NACC2: variants seen among roughly 807,000 people sequenced by gnomAD.
The protein encoded by NACC2 is NACC family member 2, also known as nucleus accumbens-associated protein 2.
NACC2 carries 8 observed loss-of-function variants against 25.1 expected under a neutral mutation model. That is an observed-to-expected ratio of 0.32 (90% confidence interval 0.19 to 0.57). NACC2 has a LOEUF of 0.57. NACC2 is among the 20% of genes least tolerant of loss of function. The probability of loss-of-function intolerance (pLI) is 0.89; values close to 1 mark genes in which losing one functional copy is unlikely to be tolerated. For missense variants in NACC2, 644 were observed against 650.2 expected, an observed-to-expected ratio of 0.99 and a Z score of 0.10; for synonymous variants, 435 against 294.7, an observed-to-expected ratio of 1.48 and a Z score of -4.88.
At chr9:136,025,830 G>A (rs541029694) in intron 2 of NACC2, among the ~76,000 whole-genome samples, 3 of 152,014 alleles carry the variant, frequency 2.0e-5, no homozygotes, top group Non-Finnish European at 2.9e-5. Flanking sequence ...CAGGAGAATC[G>A]CTTGAACCCA....
chr9:136,028,244 G>A (rs1320173704), intron 2 of NACC2, among the ~76,000 whole-genome samples: 2 of 151,664 alleles, frequency 1.3e-5, no homozygotes, highest in Non-Finnish European at 2.9e-5. Context: ...CACCATTAAG[G>A]AACACTCCAT....
Position 136,091,182 on chromosome 9 carries a change from G to A in NACC2, c.-60+4007C>T, listed in dbSNP as rs139665301. Among the ~76,000 whole-genome samples the A allele has an allele frequency of 2.9e-3, 445 of 152,314 alleles. 3 individuals are homozygous for A. The highest frequency in any genetic ancestry group is 0.01 in the African/African-American group (420 of 41,576). On this transcript the variant is annotated intron_variant, in intron 1 of 5. Coordinates refer to ENST00000277554, the MANE Select transcript of NACC2 (RefSeq NM_144653.5). Reference sequence around the variant, plus strand: ...TTAAAGGGTAGTGAGCCTTACATGGGATTCAGTGGCTTCACTGGCCCAACA... The same window carrying A: ...TTAAAGGGTAGTGAGCCTTACATGGAATTCAGTGGCTTCACTGGCCCAACA...
chr9:136,034,780 G>A (rs892557401), intron 2 of NACC2, among the ~76,000 whole-genome samples: 1 of 152,204 alleles, frequency 6.6e-6, no homozygotes, highest in African/African-American at 2.4e-5. Context: ...GTAAATATGG[G>A]AGTTGTGGAG....
At chr9:136,065,093 T>C (rs993355000) in intron 1 of NACC2, among the ~76,000 whole-genome samples, 28 of 152,192 alleles carry the variant, frequency 1.8e-4, no homozygotes, top group Non-Finnish European at 5.9e-5. Context: ...GAGCTAAAAC[T>C]ATAAAACTCT....
At chr9:136,051,852 G>GT (rs1840845516) in intron 1 of NACC2, among the ~76,000 whole-genome samples, 1 of 151,928 alleles carries the variant, frequency 6.6e-6, no homozygotes, top group Non-Finnish European at 1.5e-5. Flanking sequence ...GAGCCCTGGG[G>GT]CGGGGAGGGC....
At chr9:136,031,324 C>CTCAT (rs140651085) in intron 2 of NACC2, among the ~76,000 whole-genome samples, 23,206 of 150,636 alleles carry the variant, frequency 0.15, 2,007 homozygotes, top group African/African-American at 0.24. Flanking sequence ...ACTCCACAGC[C>CTCAT]TCATTCATTC....
Position 136,086,812 on chromosome 9 carries a change from GGCT to G in NACC2, c.-60+8374_-60+8376del, listed in dbSNP as rs1830383120. Among the ~76,000 whole-genome samples, 1 of 151,956 alleles carries G rather than the reference GGCT, an allele frequency of 6.6e-6. No homozygotes were observed. The highest frequency in any genetic ancestry group is 1.5e-5 in the Non-Finnish European group (1 of 68,028). ...CCCATCCAGGTGCCATCCCAGCAGC[GGCT>G]GCTGTCTGTGCCTGGCTCCTCCCAC... On this transcript the variant is annotated intron_variant, in intron 1 of 5. Coordinates refer to ENST00000277554, the MANE Select transcript of NACC2 (RefSeq NM_144653.5). This position sits in a 1 kb window ranked among gnomAD's most constrained non-coding sequence, Gnocchi z 5.6.
At chr9:136,046,815 C>T (rs924777791) in intron 2 of NACC2, among the ~76,000 whole-genome samples, 1 of 152,196 alleles carries the variant, frequency 6.6e-6, no homozygotes. Context: ...GAGACCCTTG[C>T]CGTGAGGCCA....
Position 136,018,651 on chromosome 9 carries a change from C to G in NACC2, c.887-2222G>C, listed in dbSNP as rs1351450765. Among the ~76,000 whole-genome samples the G allele has an allele frequency of 6.6e-6, 1 of 152,032 alleles. No homozygotes were observed. Among genetic ancestry groups the G allele is most frequent in the Non-Finnish European group, 1.5e-5 (1 of 67,996 alleles). On this transcript the variant is annotated intron_variant, in intron 2 of 5. Coordinates refer to ENST00000277554, the MANE Select transcript of NACC2 (RefSeq NM_144653.5). The surrounding 1 kb of genome is among the most constrained non-coding windows in gnomAD (Gnocchi z 4.4). ...ACAGAACAGAGGCCAGAAAGGGGGC[C>G]TCAAAGGTGGGTGCACAGCCCCTGC...
intron 2 of NACC2, among the ~76,000 whole-genome samples, chr9:136,024,350 T>TGTGTGTGTGTGAGGACAGAAG (rs1367472647): frequency 1.8e-5 from 2 of 111,186 alleles, no homozygotes; most frequent in African/African-American, 3.7e-5. Flanking sequence ...GAGGACAGAG[T>TGTGTGTGTGTGAGGACAGAAG]GTGTGTGTGT....
intron 1 of NACC2, among the ~76,000 whole-genome samples, chr9:136,065,017 A>G (rs7029290): frequency 0.4 from 60,977 of 152,134 alleles, 13,069 homozygotes; most frequent in Non-Finnish European, 0.48. Context: ...AAAAGAATGA[A>G]GCAGGACCCT....
At chr9:136,037,746 T>G (rs1840575012) in intron 2 of NACC2, among the ~76,000 whole-genome samples, 1 of 152,094 alleles carries the variant, frequency 6.6e-6, no homozygotes, top group Admixed American at 6.6e-5. Flanking sequence ...TGACCTCAGG[T>G]GATCCTCCCA....
intron 1 of NACC2, among the ~76,000 whole-genome samples, chr9:136,061,089 G>C (rs539683636): frequency 7.9e-5 from 12 of 152,276 alleles, no homozygotes; most frequent in Admixed American, 5.9e-4. Context: ...TAGGGGAGGA[G>C]GAACAATGCC....
chr9:136,081,443 G>A (rs1021784724), intron 1 of NACC2, among the ~76,000 whole-genome samples: 1 of 152,234 alleles, frequency 6.6e-6, no homozygotes, highest in African/African-American at 2.4e-5. Context: ...CTCAGCACTC[G>A]GACCTGCTCT....
At chr9:136,071,414 G>T (rs967060734) in intron 1 of NACC2, among the ~76,000 whole-genome samples, 1 of 150,914 alleles carries the variant, frequency 6.6e-6, no homozygotes, top group Non-Finnish European at 1.5e-5. Flanking sequence ...GTGGAGGCAG[G>T]TGCCTGTAAT....
At chr9:136,070,151 A>T (rs147098678) in intron 1 of NACC2, among the ~76,000 whole-genome samples, 27 of 152,028 alleles carry the variant, frequency 1.8e-4, no homozygotes, top group Admixed American at 1.6e-3. Context: ...GGTAACAGGG[A>T]AATCTAGAAA....
intron 1 of NACC2, among the ~76,000 whole-genome samples, chr9:136,062,690 G>A (rs977769110): frequency 1.3e-5 from 2 of 152,184 alleles, no homozygotes; most frequent in Non-Finnish European, 1.5e-5. Flanking sequence ...CAGCGGGGGT[G>A]GACTGCTTGA....
rs1487641919 is a variant in NACC2 at position 136,007,981 on chromosome 9, A to T, written c.*3535T>A. The T allele has an allele frequency of 6.6e-6, 1 of 151,636 alleles. No homozygotes were observed. The highest frequency in any genetic ancestry group is 2.4e-5 in the African/African-American group (1 of 41,202). The allele number at this position is 151,636 out of a possible 1,614,324, so 9.4% of individuals were successfully genotyped here. On this transcript the variant is annotated 3_prime_UTR_variant, in exon 6 of 6. Transcript: ENST00000277554. Reference sequence around the variant, plus strand: ...CTCTAAACACAAATGCCAAAGAATGACTCTTCCTGGAGGAGAAAGGAGGCC... The same window carrying T: ...CTCTAAACACAAATGCCAAAGAATGTCTCTTCCTGGAGGAGAAAGGAGGCC...
intron 1 of NACC2, among the ~76,000 whole-genome samples, chr9:136,089,718 C>T (rs956758932): frequency 2.6e-5 from 4 of 152,148 alleles, no homozygotes; most frequent in African/African-American, 7.2e-5. Context: ...CTTCTACTTT[C>T]CCTCTTCATT....
Sources: gnomAD v4.1 joint callset for allele counts (sites outside exome capture counted in the v4.1 genomes callset) on GRCh38, gnomAD v4.1.1 for gene constraint, Gnocchi (gnomAD v3.1) non-coding constraint, MANE v1.5 for transcripts, NCBI Gene and HGNC (gene_info 2026-07-23, HGNC 2026-07-21) for gene names.